PCDH7: variants seen among roughly 807,000 people sequenced by gnomAD.
PCDH7 encodes protocadherin-7.
PCDH7 carries 17 observed loss-of-function variants against 58.9 expected under a neutral mutation model. That is an observed-to-expected ratio of 0.29 (90% CI 0.20 to 0.43). PCDH7 has a LOEUF of 0.43. Among genes scored for constraint, PCDH7 ranks in the 20% least tolerant of loss-of-function variants. The probability of loss-of-function intolerance (pLI) is 1.00; values close to 1 mark genes in which losing one functional copy is unlikely to be tolerated. For synonymous variants in PCDH7, 664 were observed against 616.4 expected (o/e 1.08, Z -1.14); for missense variants, 1,274 against 1,441.0 (o/e 0.88, Z 1.88).
chr4:31,081,758 G>A (rs1711521023), intron 3 of PCDH7, among the ~76,000 whole-genome samples: 1 of 150,880 alleles, frequency 6.6e-6, no homozygotes, highest in South Asian at 2.1e-4. Context: ...TTCTTTAAAG[G>A]GACTTTTTTT....
chr4:30,881,789 C>T (rs1157294845), intron 1 of PCDH7, among the ~76,000 whole-genome samples: 1 of 152,132 alleles, frequency 6.6e-6, no homozygotes, highest in Non-Finnish European at 1.5e-5. Context: ...TTTTTAGCAG[C>T]GTTCTAAACG....
chr4:30,737,813 T>C (rs1325177732), downstream of PCDH7, among the ~76,000 whole-genome samples: 1 of 152,214 alleles, frequency 6.6e-6, no homozygotes, highest in Non-Finnish European at 1.5e-5. Context: ...ACATTCTTTT[T>C]TACATTTGAA....
intron 3 of PCDH7, 41 bp from the exon 3 acceptor site, chr4:31,142,432 G>C (rs77404368): frequency 0.034 from 45,322 of 1,331,904 alleles, 983 homozygotes; most frequent in Admixed American, 0.089. Context: ...AGCCTGTTGA[G>C]GAGTGTCAAA....
chr4:30,765,211 C>T (rs1720594401), intron 1 of PCDH7, among the ~76,000 whole-genome samples: 1 of 134,076 alleles, frequency 7.5e-6, no homozygotes, highest in Non-Finnish European at 1.5e-5. Flanking sequence ...CACATTGTTC[C>T]TGAAAACGAC....
chr4:31,140,263 A>T (rs1225648034), intron 3 of PCDH7, among the ~76,000 whole-genome samples: 5 of 152,162 alleles, frequency 3.3e-5, no homozygotes, highest in Non-Finnish European at 5.9e-5. Context: ...CAAACTAAAA[A>T]CACAAATTAA....
intron 1 of PCDH7, among the ~76,000 whole-genome samples, chr4:30,839,826 ACCTTC>A (rs1730977703): frequency 6.6e-6 from 1 of 152,158 alleles, no homozygotes; most frequent in African/African-American, 2.4e-5. Flanking sequence ...TTGACTGGAA[ACCTTC>A]ATGTCTTTTT....
chr4:31,099,978 G>C (rs952674681), intron 3 of PCDH7, among the ~76,000 whole-genome samples: 1 of 149,604 alleles, frequency 6.7e-6, no homozygotes, highest in African/African-American at 2.4e-5. Flanking sequence ...CTGAACAGAA[G>C]GAAAGAAGGA....
chr4:31,016,913 G>A (rs1227393551), intron 3 of PCDH7, among the ~76,000 whole-genome samples: 2 of 149,990 alleles, frequency 1.3e-5, no homozygotes, highest in East Asian at 2.0e-4. Flanking sequence ...TGTGTGTGCT[G>A]TGTGTGTGTA....
At chr4:30,883,827 CTG>C (rs748913878) in intron 1 of PCDH7, among the ~76,000 whole-genome samples, 1 of 152,114 alleles carries the variant, frequency 6.6e-6, no homozygotes, top group Non-Finnish European at 1.5e-5. Flanking sequence ...CATTTCCTGA[CTG>C]TGCAAATTTG....
intron 3 of PCDH7, among the ~76,000 whole-genome samples, chr4:31,115,775 G>C (rs914118531): frequency 6.6e-6 from 1 of 152,084 alleles, no homozygotes; most frequent in African/African-American, 2.4e-5. Flanking sequence ...AGAAGTAATT[G>C]GATCTCACAC....
chr4:31,130,215 G>T (rs1312571389), intron 3 of PCDH7, among the ~76,000 whole-genome samples: 5 of 152,104 alleles, frequency 3.3e-5, no homozygotes, highest in Non-Finnish European at 5.9e-5. Context: ...TCACTAAGGG[G>T]TAGAGAAAGG....
At chr4:31,025,568 C>T (rs142200065) in intron 3 of PCDH7, among the ~76,000 whole-genome samples, 4 of 152,284 alleles carry the variant, frequency 2.6e-5, no homozygotes, top group Non-Finnish European at 4.4e-5. Flanking sequence ...TTCTAATTAT[C>T]ATAGGTAGTT....
At position 30,989,762 on chromosome 4, in the gene PCDH7, C is replaced by T. The variant is rs73815139; in HGVS notation, c.*7+39547C>T. On this transcript the variant is annotated intron_variant, in intron 3 of 3. Coordinates refer to the PCDH7 transcript ENST00000509759. ...TGAATAGGGGTTATGTTGTATATTT[C>T]CAACATATCACTGATTATCTGACAC... Among the ~76,000 whole-genome samples the T allele has an allele frequency of 4.8e-3, 730 of 152,088 alleles. 8 individuals are homozygous for T. Among genetic ancestry groups the T allele is most frequent in the African/African-American group, 0.017 (686 of 41,488 alleles).
chr4:31,001,490 A>G (rs946454440), intron 3 of PCDH7, among the ~76,000 whole-genome samples: 1 of 152,106 alleles, frequency 6.6e-6, no homozygotes, highest in Admixed American at 6.5e-5. Flanking sequence ...TTTAAAGTAT[A>G]TGTTTGTGTT....
chr4:30,784,795 A>G (rs551560468), intron 1 of PCDH7, among the ~76,000 whole-genome samples: 6 of 152,158 alleles, frequency 3.9e-5, no homozygotes, highest in African/African-American at 1.4e-4. Context: ...TGGGGAAAAA[A>G]AGGGGCAAAA....
At chr4:30,842,653 G>T (rs1228368220) in intron 1 of PCDH7, among the ~76,000 whole-genome samples, 1 of 152,108 alleles carries the variant, frequency 6.6e-6, no homozygotes, top group Non-Finnish European at 1.5e-5. Context: ...GGTGAGGTTG[G>T]AATGTGAACA....
In PCDH7 at chr4:30,942,425, T is replaced by A. The variant is rs141149906; in HGVS notation, c.288-7695T>A. Among the ~76,000 whole-genome samples, 4 of 152,140 alleles carry A rather than the reference T, an allele frequency of 2.6e-5. No individual in the cohort carries two copies. In the East Asian group the frequency reaches 7.7e-4, roughly 29 times the overall value. On this transcript the variant is annotated intron_variant, in intron 2 of 3. Transcript: ENST00000509759. ...TTCAAAATCATGCTTCTCTACAAGG[T>A]ATAAATTTTTACCTTCAGTGTCCTA...
At position 31,124,154 on chromosome 4, in the gene PCDH7, G is replaced by A. The variant is rs571694235; in HGVS notation, c.*8-18319G>A. 2.0e-5 allele frequency among the ~76,000 whole-genome samples: 3 copies of A among 152,232 alleles called. No homozygotes were observed. In the South Asian group the frequency reaches 6.2e-4, roughly 32 times the overall value. ...TTAGGGCCGTGAGTCCAGCCTCGAG[G>A]GTGGAGCCCTCACCAGGGACCTTGC... On this transcript the variant is annotated intron_variant, in intron 3 of 3. Coordinates refer to the PCDH7 transcript ENST00000509759.
In PCDH7 at chr4:30,722,487, G is replaced by A; in HGVS notation, c.1065G>A (p.Arg355=). ...TCGGGGCGGCCACCGAGTCGGTGAG[G>A]CGGCTGCTGCGCCTTGACGAGACGT... is the stretch of plus-strand genomic sequence containing the variant. Residue 355 remains arginine (R), a synonymous_variant, in exon 1 of 2, where the codon AGG becomes AGA. Coordinates refer to ENST00000361762, the Ensembl canonical transcript of PCDH7. This position sits in a 1 kb window ranked among gnomAD's most constrained non-coding sequence, Gnocchi z 7.6. 1 of 1,609,386 alleles carries A rather than the reference G, an allele frequency of 6.2e-7. No homozygotes were observed. The highest frequency in any genetic ancestry group is 8.5e-7 in the Non-Finnish European group (1 of 1,178,242).
Sources: allele counts gnomAD v4.1 joint callset (sites outside exome capture counted in the v4.1 genomes callset), GRCh38; gene constraint gnomAD v4.1.1; non-coding constraint Gnocchi (gnomAD v3.1); transcripts MANE v1.5; gene names NCBI Gene and HGNC (gene_info 2026-07-23, HGNC 2026-07-21).